Variants in RASSF3 observed in about 807,000 individuals in gnomAD.
The protein encoded by RASSF3 is Ras association domain family member 3.
A neutral mutation model predicts 19.9 loss-of-function variants in RASSF3; 19 were observed. The observed-to-expected ratio is 0.96, with a 90% CI of 0.67 to 1.40. The LOEUF (loss-of-function observed/expected upper bound fraction) is 1.40, where lower values mean the gene tolerates loss of function less well. Among genes scored for constraint, RASSF3 ranks in the 40% most tolerant of loss-of-function variants. The pLI, the probability that RASSF3 is intolerant of heterozygous loss-of-function variation, is 0.00. For synonymous variants in RASSF3, 110 were observed against 104.2 expected, an observed-to-expected ratio of 1.06 and a Z score of -0.34; for missense variants, 306 against 289.8, an observed-to-expected ratio of 1.06 and a Z score of -0.41.
intron 1 of RASSF3, chr12:64,515,590 T>G (rs892148184): frequency 5.3e-5 from 8 of 152,234 alleles, no homozygotes; most frequent in African/African-American, 1.9e-4. Context: ...GTGGGGAACA[T>G]CTAGCAGCTT....
At chr12:64,512,616 T>C (rs1329057795) in intron 1 of RASSF3, among the ~76,000 whole-genome samples, 2 of 152,188 alleles carry the variant, frequency 1.3e-5, no homozygotes, top group Non-Finnish European at 1.5e-5. Flanking sequence ...GGTTTAACGA[T>C]AACTCAGATC....
chr12:64,659,586 G>A (rs1318763056), intron 1 of RASSF3, among the ~76,000 whole-genome samples: 1 of 151,918 alleles, frequency 6.6e-6, no homozygotes, highest in African/African-American at 2.4e-5. Flanking sequence ...GGGAGGGAGA[G>A]GTTTGCAACA....
chr12:64,634,095 T>C (rs1871250107), intron 1 of RASSF3, among the ~76,000 whole-genome samples: 1 of 152,150 alleles, frequency 6.6e-6, no homozygotes, highest in Non-Finnish European at 1.5e-5. Flanking sequence ...TATGAGTCAC[T>C]GCACTCCAGC....
At chr12:64,565,976 G>A (rs1387521295) in intron 2 of RASSF3, among the ~76,000 whole-genome samples, 1 of 152,042 alleles carries the variant, frequency 6.6e-6, no homozygotes, top group African/African-American at 2.4e-5. Context: ...CAAGGTGGGT[G>A]GATCACCTGA....
downstream of RASSF3, among the ~76,000 whole-genome samples, chr12:64,545,685 C>T (rs1453645526): frequency 5.9e-5 from 9 of 152,086 alleles, no homozygotes; most frequent in Admixed American, 4.6e-4. Flanking sequence ...CCCAGCACTT[C>T]GGGAGGCCAA....
rs79218847 is a variant in RASSF3, at chr12:64,683,154, G to A, written c.112-1633G>A. Among the ~76,000 whole-genome samples the A allele has an allele frequency of 3.7e-3, 562 of 152,312 alleles. 4 individuals carry two copies. The highest frequency in any genetic ancestry group is 0.013 in the African/African-American group (531 of 41,572). ...GAACACCCCTGTGGAATTACTTAGA[G>A]CTCCCAGTAAAGGTTGGAGTTAGGG... On this transcript the variant is annotated intron_variant, in intron 1 of 4. Coordinates refer to ENST00000542104, the MANE Select transcript of RASSF3 (RefSeq NM_178169.4).
downstream of RASSF3, among the ~76,000 whole-genome samples, chr12:64,543,452 G>GC (rs1555208314): frequency 3.3e-3 from 36 of 10,828 alleles, no homozygotes; most frequent in African/African-American, 0.013. Context: ...GTGCCCGCCC[G>GC]CCCCCCGCTC....
At chr12:64,584,078 C>T (rs1474212391) in intron 2 of RASSF3, among the ~76,000 whole-genome samples, 1 of 152,202 alleles carries the variant, frequency 6.6e-6, no homozygotes, top group Non-Finnish European at 1.5e-5. Flanking sequence ...ACCATCTGCA[C>T]TCAACAACAA....
intron 1 of RASSF3, among the ~76,000 whole-genome samples, chr12:64,641,414 A>ACGCG (rs138010191): frequency 4.2e-5 from 6 of 142,098 alleles, no homozygotes; most frequent in African/African-American, 8.4e-5. Context: ...ACACACACAC[A>ACGCG]CGCGCGCGCG....
At chr12:64,599,241 A>C (rs1870046910) in intron 2 of RASSF3, 1 of 152,092 alleles carries the variant, frequency 6.6e-6, no homozygotes, top group African/African-American at 2.4e-5. Context: ...ATCACTATGG[A>C]TGGGTCATAA....
At chr12:64,516,766 G>A (rs1005135797) in intron 1 of RASSF3, among the ~76,000 whole-genome samples, 3 of 151,986 alleles carry the variant, frequency 2.0e-5, no homozygotes, top group African/African-American at 7.2e-5. Flanking sequence ...TTGGGAGGCC[G>A]AGGCGGGTGG....
rs1868402529 is a variant in RASSF3, at chr12:64,697,451, T to C, written c.*2539T>C. The C allele has an allele frequency of 6.6e-6, 1 of 152,214 alleles. No homozygotes were observed. The highest frequency in any genetic ancestry group is 2.1e-4 in the South Asian group (1 of 4,834). The allele number at this position is 152,214 out of a possible 1,614,324, so 9.4% of individuals were successfully genotyped here. A position where few individuals can be genotyped will look rare whatever the true frequency, so the allele number is the denominator to read the frequency against. On this transcript the variant is annotated 3_prime_UTR_variant, in exon 5 of 5. Transcript: ENST00000542104. ...TTTAAATGGCAGAAGTAAAAAGTTATAATATTTATAATTTTGATGGGTTTA... is the reference window on the plus strand; with the variant it reads ...TTTAAATGGCAGAAGTAAAAAGTTACAATATTTATAATTTTGATGGGTTTA...
chr12:64,585,200 T>C (rs1869774395), intron 2 of RASSF3, among the ~76,000 whole-genome samples: 1 of 152,070 alleles, frequency 6.6e-6, no homozygotes, highest in Non-Finnish European at 1.5e-5. Context: ...TTTTCTTAAA[T>C]GTGAACCAGA....
exon 2 of RASSF3, chr12:64,541,645 G>C (rs761240245): frequency 2.0e-5 from 8 of 398,448 alleles, no homozygotes; most frequent in Non-Finnish European, 3.1e-5. Flanking sequence ...CACAAAATGG[G>C]AACGTATCAA....
chr12:64,610,178 C>A (rs985024925), upstream of RASSF3, among the ~76,000 whole-genome samples: 1 of 152,158 alleles, frequency 6.6e-6, no homozygotes, highest in African/African-American at 2.4e-5. Flanking sequence ...AGGCTGGGGG[C>A]GGGCGGACGG....
chr12:64,610,594 GC>G lies in RASSF3; in HGVS notation c.-35del. On this transcript the variant is annotated 5_prime_UTR_variant, in exon 1 of 5. Coordinates refer to ENST00000542104, the MANE Select transcript of RASSF3 (RefSeq NM_178169.4). ...CCGCACCCCCTCCCTGGCCGCCTGC[GC>G]CCCGGGGAGGCCGCCCGCGCGCGAC... The G allele has an allele frequency of 7.5e-7, 1 of 1,341,058 alleles. No homozygotes were observed. The allele number at this position is 1,341,058 out of a possible 1,614,324, so 83.1% of individuals were successfully genotyped here.
At chr12:64,693,231 A>G (rs1213016725) in intron 4 of RASSF3, among the ~76,000 whole-genome samples, 1 of 114,930 alleles carries the variant, frequency 8.7e-6, no homozygotes, top group Non-Finnish European at 1.8e-5. Context: ...GGATTTACTT[A>G]TTTTTCACTC....
chr12:64,576,639 C>G (rs1012240716), intron 2 of RASSF3, among the ~76,000 whole-genome samples: 1 of 151,920 alleles, frequency 6.6e-6, no homozygotes, highest in African/African-American at 2.4e-5. Context: ...GTCAGTTGAG[C>G]CCAGGAGTTT....
upstream of RASSF3, among the ~76,000 whole-genome samples, chr12:64,606,816 A>C (rs1054604463): frequency 6.6e-6 from 1 of 152,068 alleles, no homozygotes; most frequent in Non-Finnish European, 1.5e-5. Context: ...CTGCGTCTCA[A>C]AAAAACAAAA....
Sources: allele counts gnomAD v4.1 joint callset (sites outside exome capture counted in the v4.1 genomes callset), GRCh38; gene constraint gnomAD v4.1.1; transcripts MANE v1.5; gene names NCBI Gene and HGNC (gene_info 2026-07-23, HGNC 2026-07-21).